The following ADGRL3 variants were observed in gnomAD, a reference collection of about 807,000 sequenced individuals.
The protein encoded by ADGRL3 is adhesion G protein-coupled receptor L3.
ADGRL3 carries 62 observed loss-of-function variants against 153.5 expected under a neutral mutation model. That is an observed-to-expected ratio of 0.40 (90% confidence interval 0.33 to 0.50). ADGRL3 has a LOEUF of 0.50. Ranked by LOEUF, ADGRL3 falls within the 20% of genes least tolerant of loss-of-function variation. ADGRL3 has a pLI of 0.47. For synonymous variants in ADGRL3, 710 were observed against 672.5 expected (o/e 1.06, Z -0.86); for missense variants, 1,641 against 1,859.4 (o/e 0.88, Z 2.16).
intron 2 of ADGRL3, among the ~76,000 whole-genome samples, chr4:61,486,819 G>T (rs2098199848): frequency 6.6e-6 from 1 of 152,086 alleles, no homozygotes; most frequent in South Asian, 2.1e-4. Context: ...TGCCTTCTGA[G>T]ATCCTGGAAG....
At position 61,547,490 on chromosome 4, in the gene ADGRL3, C is replaced by CT. The variant is rs2098719277; in HGVS notation, c.259+29975dup. 2.0e-5 allele frequency among the ~76,000 whole-genome samples: 3 copies of CT among 152,008 alleles called. No homozygotes were observed. In the South Asian group the frequency reaches 6.2e-4, roughly 32 times the overall value. ...TTTGTGTCTGTATGTTTAACTCCCA[C>CT]TTTAAGTGAGAGTATGTGGTATTTG... is the stretch of plus-strand genomic sequence containing the variant. On this transcript the variant is annotated intron_variant, in intron 4 of 26. Transcript: ENST00000683033.
intron 9 of ADGRL3, among the ~76,000 whole-genome samples, chr4:61,854,748 A>G (rs910958338): frequency 5.3e-5 from 8 of 152,222 alleles, no homozygotes; most frequent in African/African-American, 1.4e-4. Context: ...TCACTTGAGA[A>G]AAAAACTTAG....
intron 9 of ADGRL3, among the ~76,000 whole-genome samples, chr4:61,836,280 A>G (rs939298846): frequency 2.4e-4 from 37 of 152,292 alleles, no homozygotes; most frequent in African/African-American, 8.7e-4. Context: ...AAAACATTCT[A>G]TAATTAGGTT....
At position 61,605,381 on chromosome 4, in the gene ADGRL3, A is replaced by C. The variant is rs189951210; in HGVS notation, c.473+17941A>C. Among the ~76,000 whole-genome samples, 8 of 152,240 alleles carry C rather than the reference A, an allele frequency of 5.3e-5. 1 individual carries two copies. The highest frequency in any genetic ancestry group is 6.5e-5 in the Admixed American group (1 of 15,292). ...TAGGCATGGAGTGGAGAAGATTGTT[A>C]GTTTTGTTTTGTCAGAGAGAACTTG... On this transcript the variant is annotated intron_variant, in intron 5 of 26. Coordinates refer to ENST00000683033, the MANE Select transcript of ADGRL3 (RefSeq NM_001387552.1).
intron 2 of ADGRL3, among the ~76,000 whole-genome samples, chr4:61,414,253 C>T (rs1260792502): frequency 1.3e-5 from 2 of 152,252 alleles, no homozygotes; most frequent in African/African-American, 2.4e-5. Flanking sequence ...ATTTTCCTAC[C>T]TTTGGTTAGG....
intron 1 of ADGRL3, among the ~76,000 whole-genome samples, chr4:61,289,127 C>G (rs1203027047): frequency 6.6e-6 from 1 of 151,848 alleles, no homozygotes; most frequent in Non-Finnish European, 1.5e-5. Context: ...TTGAAACAGA[C>G]TTATCATATT....
intron 2 of ADGRL3, among the ~76,000 whole-genome samples, chr4:61,451,544 C>T (rs1404504374): frequency 2.0e-5 from 3 of 152,046 alleles, no homozygotes; most frequent in Non-Finnish European, 2.9e-5. Context: ...CACAAAACTT[C>T]GGAGCAGTCA....
intron 1 of ADGRL3, among the ~76,000 whole-genome samples, chr4:61,375,390 A>G (rs1459334099): frequency 6.6e-6 from 1 of 152,144 alleles, no homozygotes; most frequent in East Asian, 1.9e-4. Context: ...TTCTGCTTGA[A>G]TGAAATTTTA....
Position 61,398,624 on chromosome 4 carries a change from A to G in ADGRL3, c.-174+15435A>G, listed in dbSNP as rs139779431. ...TTCCCTAGGTTTTGCTGACCATTCC[A>G]TCCTTTTGGCTTCTTCTGTTTTTTT... On this transcript the variant is annotated intron_variant, in intron 2 of 26. Transcript: ENST00000683033. 1.8e-3 allele frequency among the ~76,000 whole-genome samples: 279 copies of G among 151,354 alleles called. 1 individual carries two copies. The highest frequency in any genetic ancestry group is 3.0e-3 in the Non-Finnish European group (204 of 67,594).
At chr4:61,234,445 A>G (rs1752025406) in intron 1 of ADGRL3, among the ~76,000 whole-genome samples, 1 of 152,168 alleles carries the variant, frequency 6.6e-6, no homozygotes, top group South Asian at 2.1e-4. Context: ...TCTGGTAGAT[A>G]CAATTCAAGT....
At chr4:61,457,852 A>AGATT (rs1314778320) in intron 2 of ADGRL3, among the ~76,000 whole-genome samples, 599 of 29,018 alleles carry the variant, frequency 0.021, 8 homozygotes, top group African/African-American at 0.07. Context: ...CACAGATGAC[A>AGATT]GATAGATAGA....
intron 1 of ADGRL3, among the ~76,000 whole-genome samples, chr4:61,291,208 A>ATG (rs2094173105): frequency 1.5e-5 from 2 of 132,952 alleles, no homozygotes; most frequent in Admixed American, 8.5e-5. Flanking sequence ...ACACACACAC[A>ATG]CACACACACG....
intron 9 of ADGRL3, among the ~76,000 whole-genome samples, chr4:61,837,704 A>T (rs1299029496): frequency 3.3e-5 from 5 of 152,078 alleles, no homozygotes; most frequent in Non-Finnish European, 7.4e-5. Context: ...GCATCTATAG[A>T]TTCTCAAAGG....
At chr4:61,587,665 C>T (rs1045506231) in intron 5 of ADGRL3, among the ~76,000 whole-genome samples, 1 of 152,048 alleles carries the variant, frequency 6.6e-6, no homozygotes, top group African/African-American at 2.4e-5. Flanking sequence ...TCATGGTCTG[C>T]ATGACATTGC....
chr4:61,818,221 A>G (rs2097710302), intron 9 of ADGRL3, among the ~76,000 whole-genome samples: 1 of 152,152 alleles, frequency 6.6e-6, no homozygotes, highest in Admixed American at 6.5e-5. Flanking sequence ...TCCAAATGGA[A>G]GAAATTGGCC....
chr4:61,900,601 G>A (rs2098658963), intron 11 of ADGRL3, among the ~76,000 whole-genome samples: 2 of 152,068 alleles, frequency 1.3e-5, no homozygotes, highest in Non-Finnish European at 2.9e-5. Flanking sequence ...TACAAAAGGG[G>A]ACCTTTACTC....
At chr4:61,766,973 A>C (rs535063807) in intron 8 of ADGRL3, among the ~76,000 whole-genome samples, 71 of 152,140 alleles carry the variant, frequency 4.7e-4, no homozygotes, top group African/African-American at 1.6e-3. Context: ...TATAGGCTTT[A>C]AAAGGCCATG....
intron 4 of ADGRL3, among the ~76,000 whole-genome samples, chr4:61,552,017 C>G (rs529700520): frequency 6.6e-6 from 1 of 152,236 alleles, no homozygotes; most frequent in African/African-American, 2.4e-5. Flanking sequence ...AAAATCACAA[C>G]ATTTTATTAG....
chr4:61,291,614 A>G (rs1169873152), intron 1 of ADGRL3, among the ~76,000 whole-genome samples: 5 of 18,134 alleles, frequency 2.8e-4, no homozygotes, highest in Admixed American at 8.5e-4. Context: ...ACACACACAT[A>G]TATATATATA....
Sources: allele counts gnomAD v4.1 joint callset (sites outside exome capture counted in the v4.1 genomes callset), GRCh38; gene constraint gnomAD v4.1.1; transcripts MANE v1.5; gene names NCBI Gene and HGNC (gene_info 2026-07-23, HGNC 2026-07-21).